Variants in CLRN3 observed in about 807,000 individuals in gnomAD.
The protein encoded by CLRN3 is clarin-3.
In CLRN3, 12 loss-of-function variants were observed where a neutral mutation model predicts 16.7. The observed-to-expected ratio is 0.72, with a 90% CI of 0.46 to 1.16. The LOEUF is 1.16. Among genes scored for constraint, CLRN3 ranks in the 50% most tolerant of loss-of-function variants. CLRN3 has a pLI of 0.00. For synonymous variants in CLRN3, 118 were observed against 113.0 expected (o/e 1.04, Z -0.28); for missense variants, 296 against 274.2 (o/e 1.08, Z -0.56).
At chr10:127,890,164 G>T (rs1392658128) in intron 1 of CLRN3, among the ~76,000 whole-genome samples, 1 of 152,216 alleles carries the variant, frequency 6.6e-6, no homozygotes, top group Non-Finnish European at 1.5e-5. Context: ...CCTTATACAT[G>T]CAGCAGCTGC....
At chr10:127,891,281 A>G (rs1457819617) in intron 1 of CLRN3, among the ~76,000 whole-genome samples, 2 of 152,236 alleles carry the variant, frequency 1.3e-5, no homozygotes, top group African/African-American at 2.4e-5. Flanking sequence ...CTTTGAAGCC[A>G]TTTATCTCAA....
chr10:127,884,289 G>A (rs1340300819), intron 1 of CLRN3, among the ~76,000 whole-genome samples: 1 of 152,184 alleles, frequency 6.6e-6, no homozygotes, highest in African/African-American at 2.4e-5. Flanking sequence ...CACTCACAGG[G>A]TAGGTCACCC....
rs867164924 is a variant in CLRN3, at chr10:127,881,306, G to A, written c.409+2390C>T. On this transcript the variant is annotated intron_variant, in intron 2 of 2. Coordinates refer to ENST00000368671, the MANE Select transcript of CLRN3 (RefSeq NM_152311.5). Reference sequence around the variant, plus strand: ...GGCAGGGCTACGGGGAGGCTCTCAGGTCCCTGTTTCTCATGTTTTCCTTCA... The same window carrying A: ...GGCAGGGCTACGGGGAGGCTCTCAGATCCCTGTTTCTCATGTTTTCCTTCA... Among the ~76,000 whole-genome samples the A allele has an allele frequency of 2.0e-5, 3 of 152,270 alleles. No individual in the cohort carries two copies. The South Asian group carries it at 6.2e-4, about 32-fold the overall frequency.
rs915810080 is a variant in CLRN3 at position 127,881,568 on chromosome 10, G to A, written c.409+2128C>T. Among the ~76,000 whole-genome samples the A allele has an allele frequency of 5.3e-5, 8 of 152,144 alleles. No individual in the cohort carries two copies. The East Asian group carries it at 9.7e-4, about 18-fold the overall frequency. On this transcript the variant is annotated intron_variant, in intron 2 of 2. Coordinates refer to ENST00000368671, the MANE Select transcript of CLRN3 (RefSeq NM_152311.5). ...GGCTTCCTTCCCCACTCACCCCTGC[G>A]GCTGGGGAAGGGCCGATTCCAGCCC...
chr10:127,878,459 A>G (rs1195034955), intron 2 of CLRN3, 39 bp from the exon 3 acceptor site: 4 of 1,608,882 alleles, frequency 2.5e-6, no homozygotes, highest in Non-Finnish European at 3.4e-6. Context: ...GCATGGTGAT[A>G]CAGTTTTTAA....
intron 1 of CLRN3, among the ~76,000 whole-genome samples, chr10:127,889,175 G>A (rs1354064832): frequency 6.6e-6 from 1 of 152,136 alleles, no homozygotes; most frequent in Non-Finnish European, 1.5e-5. Flanking sequence ...TAAGAAAAGT[G>A]GCTGGGTGTG....
At chr10:127,883,306 A>G (rs1440855403) in intron 2 of CLRN3, among the ~76,000 whole-genome samples, 1 of 151,976 alleles carries the variant, frequency 6.6e-6, no homozygotes, top group African/African-American at 2.4e-5. Context: ...GTGTGTGTGC[A>G]TGCGTGTGCA....
rs545391815 is a variant in CLRN3 at position 127,884,084 on chromosome 10, G to A, written c.230-209C>T. 7.2e-5 allele frequency among the ~76,000 whole-genome samples: 11 copies of A among 152,290 alleles called. No homozygotes were observed. The South Asian group carries it at 1.2e-3, about 17-fold the overall frequency. Reference sequence around the variant, plus strand: ...AATCAGTGGTTGGATGGGTATAACCGCGACACTACAGATAACTGGACATTT... The same window carrying A: ...AATCAGTGGTTGGATGGGTATAACCACGACACTACAGATAACTGGACATTT... On this transcript the variant is annotated intron_variant, in intron 1 of 2. Coordinates refer to ENST00000368671, the MANE Select transcript of CLRN3 (RefSeq NM_152311.5).
At chr10:127,886,051 G>A (rs372959971) in intron 1 of CLRN3, among the ~76,000 whole-genome samples, 6 of 151,744 alleles carry the variant, frequency 4.0e-5, no homozygotes, top group South Asian at 2.1e-4. Flanking sequence ...CACCACGCCC[G>A]GCCTTTTAAA....
At chr10:127,880,359 C>T (rs1012290091) in intron 2 of CLRN3, among the ~76,000 whole-genome samples, 1 of 152,060 alleles carries the variant, frequency 6.6e-6, no homozygotes, top group Non-Finnish European at 1.5e-5. Context: ...TGCCCAGAGC[C>T]TCTACCTGCC....
chr10:127,878,176 A>G lies in CLRN3; in HGVS notation c.654T>C (p.Tyr218=). 1 of 1,613,750 alleles carries G rather than the reference A, an allele frequency of 6.2e-7. No homozygotes were observed. Among genetic ancestry groups the G allele is most frequent in the Non-Finnish European group, 8.5e-7 (1 of 1,179,594 alleles). Residue 218 remains tyrosine (Y), a synonymous_variant, in exon 3 of 3, where the codon TAT becomes TAC. Coordinates refer to ENST00000368671, the MANE Select transcript of CLRN3 (RefSeq NM_152311.5). Reference sequence around the variant, plus strand: ...AGAATAAAATTCCGTCCCTTGGAGCATATTCCATTGGCTTTCTCTGCTCCT... The same window carrying G: ...AGAATAAAATTCCGTCCCTTGGAGCGTATTCCATTGGCTTTCTCTGCTCCT... The part of the protein sequence containing the change: ...RKQEQRKPME[Y]APRDGILF
chr10:127,885,306 G>A (rs959250201), intron 1 of CLRN3, among the ~76,000 whole-genome samples: 6 of 152,138 alleles, frequency 3.9e-5, no homozygotes, highest in Admixed American at 6.5e-5. Flanking sequence ...TTGCATCGCC[G>A]TAATGATTTA....
intron 1 of CLRN3, among the ~76,000 whole-genome samples, chr10:127,889,086 A>G (rs1278148571): frequency 6.6e-6 from 1 of 152,220 alleles, no homozygotes; most frequent in East Asian, 1.9e-4. Flanking sequence ...GAGAACAAAG[A>G]GTGCAGTGTC....
intron 1 of CLRN3, among the ~76,000 whole-genome samples, chr10:127,892,313 T>C (rs1845266226): frequency 6.6e-6 from 1 of 152,192 alleles, no homozygotes; most frequent in African/African-American, 2.4e-5. Context: ...ACTTGGTAGG[T>C]ATTATTTAAA....
At chr10:127,890,466 C>G (rs1378488421) in intron 1 of CLRN3, among the ~76,000 whole-genome samples, 1 of 152,154 alleles carries the variant, frequency 6.6e-6, no homozygotes, top group African/African-American at 2.4e-5. Context: ...TTCAAATCTA[C>G]AGTCAAAATT....
In CLRN3 at chr10:127,878,088, C is replaced by T; in HGVS notation, c.*61G>A. ...ATGCTGAATTGTCCAGAGAAGCTAA[C>T]CAGTTACTACTCAGGGCTGATGTAC... On this transcript the variant is annotated 3_prime_UTR_variant, in exon 3 of 3. Coordinates refer to ENST00000368671, the MANE Select transcript of CLRN3 (RefSeq NM_152311.5). The T allele has an allele frequency of 6.4e-7, 1 of 1,567,236 alleles. No homozygotes were observed. The highest frequency in any genetic ancestry group is 2.3e-5 in the East Asian group (1 of 44,254).
At position 127,883,840 on chromosome 10, in the gene CLRN3, G is replaced by A; in HGVS notation, c.265C>T (p.Leu89=). 6.2e-7 allele frequency: 1 copy of A among 1,614,136 alleles called. No homozygotes were observed. The highest frequency in any genetic ancestry group is 1.1e-5 in the South Asian group (1 of 91,080). Residue 89 remains leucine, a synonymous_variant, in exon 2 of 3, where the codon CTG becomes TTG. Coordinates refer to ENST00000368671, the MANE Select transcript of CLRN3 (RefSeq NM_152311.5). ...EILNNSSQKT[L]HSVTILFLVL... is the part of the protein sequence containing the mutation. ...AGGAACAGGATAGTCACCGAATGCA[G>A]AGTTTTTTGGGAAGAATTATTCAGT...
chr10:127,887,225 T>C (rs940563270), intron 1 of CLRN3, among the ~76,000 whole-genome samples: 2 of 152,176 alleles, frequency 1.3e-5, no homozygotes, highest in Non-Finnish European at 2.9e-5. Flanking sequence ...GCAGATGAGT[T>C]ACCATAAGAG....
chr10:127,882,790 A>G (rs1845144449), intron 2 of CLRN3, among the ~76,000 whole-genome samples: 1 of 152,220 alleles, frequency 6.6e-6, no homozygotes, highest in Admixed American at 6.5e-5. Context: ...GCTTACATGA[A>G]GCCACCTCAG....
Sources: allele counts gnomAD v4.1 joint callset (sites outside exome capture counted in the v4.1 genomes callset), GRCh38; gene constraint gnomAD v4.1.1; transcripts MANE v1.5; gene names NCBI Gene and HGNC (gene_info 2026-07-23, HGNC 2026-07-21).